The following CDH26 variants were observed in gnomAD, a reference collection of about 807,000 sequenced individuals.
CDH26 encodes the protein cadherin 26, also known as cadherin-like protein 26.
Under a neutral mutation model 90.3 loss-of-function variants are expected in CDH26, and 83 were observed. The ratio of observed to expected loss-of-function variants is 0.92; its 90% confidence interval spans 0.77 to 1.10. The LOEUF is 1.10. Among genes scored for constraint, CDH26 ranks in the 50% least tolerant of loss-of-function variants. The pLI, the probability that CDH26 is intolerant of heterozygous loss-of-function variation, is 0.00. For synonymous variants in CDH26, 397 were observed against 396.3 expected (o/e 1.00, Z -0.02); for missense variants, 1,013 against 1,037.6 (o/e 0.98, Z 0.33).
At chr20:59,982,544 G>C (rs775329739) in intron 4 of CDH26, among the ~76,000 whole-genome samples, 3 of 152,190 alleles carry the variant, frequency 2.0e-5, no homozygotes, top group Non-Finnish European at 4.4e-5. Flanking sequence ...TCTGCTCTCT[G>C]TGATGTTTCA....
chr20:59,989,788 C>G lies in CDH26; in HGVS notation c.1283+625C>G, dbSNP rs538741885. Among the ~76,000 whole-genome samples, 7 of 152,238 alleles carry G rather than the reference C, an allele frequency of 4.6e-5. No homozygotes were observed. In the East Asian group the frequency reaches 1.4e-3, roughly 29 times the overall value. ...TAATCCGTTACATTTTTCTGTCTCCCCCTCTGTACCAGAAGTTATAAACCA... is the reference window on the plus strand; with the variant it reads ...TAATCCGTTACATTTTTCTGTCTCCGCCTCTGTACCAGAAGTTATAAACCA... On this transcript the variant is annotated intron_variant, in intron 9 of 17. Transcript: ENST00000348616.
At chr20:60,002,351 G>A (rs112158431) in intron 15 of CDH26, among the ~76,000 whole-genome samples, 1,925 of 151,888 alleles carry the variant, frequency 0.013, 17 homozygotes, top group South Asian at 0.039. Context: ...CCAGCTGCAT[G>A]GACATGGAAC....
Position 60,012,856 on chromosome 20 carries a change from A to G in CDH26, c.*126A>G, listed in dbSNP as rs1490621806. On this transcript the variant is annotated 3_prime_UTR_variant, in exon 18 of 18. Coordinates refer to ENST00000348616, the MANE Select transcript of CDH26 (RefSeq NM_177980.4). ...ATTACCTTCTAGTCCTAGGATGAGG[A>G]CACACTATTAGTTTGAATTAAATGC... is the stretch of plus-strand genomic sequence containing the variant. The G allele has an allele frequency of 5.0e-6, 4 of 803,400 alleles. No individual in the cohort carries two copies. The highest frequency in any genetic ancestry group is 1.7e-5 in the African/African-American group (1 of 57,626). 49.8% of individuals were successfully genotyped at this position (803,400 alleles called of 1,614,324 possible).
Position 60,014,508 on chromosome 20 carries a change from A to G in CDH26, c.*1778A>G, listed in dbSNP as rs1018608817. 6.6e-6 allele frequency: 1 copy of G among 151,950 alleles called. No homozygotes were observed. Among genetic ancestry groups the G allele is most frequent in the Non-Finnish European group, 1.5e-5 (1 of 68,032 alleles). The allele number at this position is 151,950 out of a possible 1,614,324, so 9.4% of individuals were successfully genotyped here. A position where few individuals can be genotyped will look rare whatever the true frequency, so the allele number is the denominator to read the frequency against. ...CTCTGTTCTACCTTCTACTTCCGAG[A>G]TAAACTTGGTTTTAGCTTCCACATA... On this transcript the variant is annotated 3_prime_UTR_variant, in exon 18 of 18. Transcript: ENST00000348616.
chr20:59,985,698 A>G (rs1044321970), intron 7 of CDH26, among the ~76,000 whole-genome samples: 3 of 152,168 alleles, frequency 2.0e-5, no homozygotes, highest in Non-Finnish European at 1.5e-5. Context: ...CAATTCTCCA[A>G]AGTGACTTAA....
chr20:59,958,878 G>A lies in CDH26; in HGVS notation c.69+83G>A. 4 of 1,399,692 alleles carry A rather than the reference G, an allele frequency of 2.9e-6. No homozygotes were observed. In the South Asian group the frequency reaches 3.8e-5, roughly 13 times the overall value. 86.7% of individuals were successfully genotyped at this position (1,399,692 alleles called of 1,614,324 possible). On this transcript the variant is annotated intron_variant, in intron 1 of 17. Transcript: ENST00000348616. ...CTGGCCCTGCCCCTTCTAGGCTAAGGGAGGGGAGAGGGACTGAGTGTGACC... is the reference window on the plus strand; with the variant it reads ...CTGGCCCTGCCCCTTCTAGGCTAAGAGAGGGGAGAGGGACTGAGTGTGACC...
chr20:60,001,895 T>C (rs147922177), intron 15 of CDH26, among the ~76,000 whole-genome samples: 1 of 152,204 alleles, frequency 6.6e-6, no homozygotes, highest in Non-Finnish European at 1.5e-5. Context: ...TTAGACTAAA[T>C]AGAAGTTGCA....
Position 59,996,014 on chromosome 20 carries a change from G to A in CDH26, c.1848G>A (p.Gly616=). Reference sequence around the variant, plus strand: ...ATGCAGAAGTGGGGCTTCATGTGGGGGCCCTGTTCCCTGTCTGTGCAGCAT... The same window carrying A: ...ATGCAGAAGTGGGGCTTCATGTGGGAGCCCTGTTCCCTGTCTGTGCAGCAT... ...LADAEVGLHV[G]ALFPVCAAFV... Residue 616 remains glycine (G), a synonymous_variant, in exon 12 of 18, where the codon GGG becomes GGA. Coordinates refer to ENST00000348616, the MANE Select transcript of CDH26 (RefSeq NM_177980.4). The A allele has an allele frequency of 6.2e-7, 1 of 1,613,960 alleles. No homozygotes were observed. The highest frequency in any genetic ancestry group is 8.5e-7 in the Non-Finnish European group (1 of 1,180,042).
At chr20:59,987,709 C>T (rs563752341) in intron 8 of CDH26, 71 bp downstream of exon 8, 2 of 1,373,262 alleles carry the variant, frequency 1.5e-6, no homozygotes, top group Non-Finnish European at 1.0e-6. Flanking sequence ...GGATCACTCA[C>T]AATGAACCAG....
At chr20:60,002,578 T>G (rs1434695829) in intron 15 of CDH26, among the ~76,000 whole-genome samples, 2 of 152,122 alleles carry the variant, frequency 1.3e-5, no homozygotes, top group African/African-American at 4.8e-5. Context: ...GAAATCTTAC[T>G]GGGTGTTAAT....
In CDH26 at chr20:59,995,920, C is replaced by T. The variant is rs1281917657; in HGVS notation, c.1754C>T (p.Ser585Phe). The T allele has an allele frequency of 6.2e-7, 1 of 1,614,244 alleles. No homozygotes were observed. Among genetic ancestry groups the T allele is most frequent in the East Asian group, 2.2e-5 (1 of 44,880 alleles). The change falls in exon 12 of 18, where the codon TCC becomes TTC. Residue 585 changes from serine to phenylalanine, a missense_variant. Physicochemically the swap from Ser to Phe is radical, Grantham distance 155. Coordinates refer to ENST00000348616, the MANE Select transcript of CDH26 (RefSeq NM_177980.4). ...PLFIGDKQGL[S>F]QKQTVHVRIC... ...TTCATTGGAGACAAACAGGGACTTT[C>T]CCAGAAGCAAACTGTCCATGTAAGG...
intron 7 of CDH26, among the ~76,000 whole-genome samples, chr20:60,019,930 C>T (rs2061938854): frequency 6.6e-6 from 1 of 152,120 alleles, no homozygotes; most frequent in Non-Finnish European, 1.5e-5. Context: ...TCTAAGTGGA[C>T]ACAGTAGTGT....
intron 7 of CDH26, among the ~76,000 whole-genome samples, chr20:60,023,179 G>A (rs981978534): frequency 2.6e-5 from 4 of 152,228 alleles, no homozygotes; most frequent in African/African-American, 9.6e-5. Flanking sequence ...CAGGATAGAA[G>A]AGGCAGAGGT....
At chr20:60,032,923 C>T (rs1428443787) in intron 8 of CDH26, among the ~76,000 whole-genome samples, 1 of 151,428 alleles carries the variant, frequency 6.6e-6, no homozygotes, top group Non-Finnish European at 1.5e-5. Flanking sequence ...GGGTGCAGCG[C>T]ACCAGCATGG....
At chr20:60,009,243 C>G (rs2061796333) in intron 17 of CDH26, among the ~76,000 whole-genome samples, 1 of 152,170 alleles carries the variant, frequency 6.6e-6, no homozygotes, top group African/African-American at 2.4e-5. Flanking sequence ...GACGGGCCCA[C>G]CTGATCATTA....
chr20:59,962,068 TG>T (rs777902666), intron 1 of CDH26, among the ~76,000 whole-genome samples: 2 of 152,196 alleles, frequency 1.3e-5, no homozygotes, highest in Non-Finnish European at 2.9e-5. Context: ...AGTGATGGGT[TG>T]CAGAAGGTGG....
At chr20:59,976,461 T>C (rs1459998271) in intron 4 of CDH26, among the ~76,000 whole-genome samples, 1 of 152,160 alleles carries the variant, frequency 6.6e-6, no homozygotes, top group Non-Finnish European at 1.5e-5. Flanking sequence ...ATAAATGAAA[T>C]ATAAAATAAT....
At chr20:59,985,461 G>C (rs1433616476) in intron 7 of CDH26, among the ~76,000 whole-genome samples, 1 of 152,068 alleles carries the variant, frequency 6.6e-6, no homozygotes, top group African/African-American at 2.4e-5. Context: ...AGGAACGAGA[G>C]AGGTAAGAGG....
intron 7 of CDH26, among the ~76,000 whole-genome samples, chr20:60,022,944 C>G (rs2061969343): frequency 6.6e-6 from 1 of 152,250 alleles, no homozygotes; most frequent in Admixed American, 6.5e-5. Flanking sequence ...TTGCTGTGCA[C>G]TTGCCAGGCA....
Sources: allele counts gnomAD v4.1 joint callset (sites outside exome capture counted in the v4.1 genomes callset), GRCh38; gene constraint gnomAD v4.1.1; transcripts MANE v1.5; gene names NCBI Gene and HGNC (gene_info 2026-07-23, HGNC 2026-07-21).